Variants in NME7 observed in about 807,000 individuals in gnomAD.
NME7 encodes the protein NME/NM23 family member 7, also known as nucleoside diphosphate kinase 7.
Under a neutral mutation model 49.1 loss-of-function variants are expected in NME7, and 41 were observed. That is an observed-to-expected ratio of 0.83 (90% CI 0.65 to 1.08). NME7 has a LOEUF of 1.08. NME7 is among the 50% of genes least tolerant of loss of function. NME7 has a pLI of 0.00. For synonymous variants in NME7, 139 were observed against 150.6 expected (o/e 0.92, Z 0.56); for missense variants, 423 against 463.4 (o/e 0.91, Z 0.80).
chr1:169,254,304 G>C (rs1000972065), intron 7 of NME7, among the ~76,000 whole-genome samples: 4 of 152,072 alleles, frequency 2.6e-5, no homozygotes, highest in African/African-American at 7.2e-5. Context: ...GAGTGTATGT[G>C]TCGAGGAATT....
At chr1:169,176,657 G>A (rs1470546881) in intron 10 of NME7, among the ~76,000 whole-genome samples, 1 of 152,044 alleles carries the variant, frequency 6.6e-6, no homozygotes, top group Non-Finnish European at 1.5e-5. Context: ...GCCAACAATA[G>A]GAACTGGCTG....
intron 1 of NME7, among the ~76,000 whole-genome samples, chr1:169,359,068 G>T (rs1653559890): frequency 6.6e-6 from 1 of 152,094 alleles, no homozygotes; most frequent in South Asian, 2.1e-4. Flanking sequence ...ATTTGCAGGG[G>T]ATTGGTTCCA....
At chr1:169,292,453 A>T (rs1235271446) in intron 6 of NME7, among the ~76,000 whole-genome samples, 1 of 152,208 alleles carries the variant, frequency 6.6e-6, no homozygotes, top group African/African-American at 2.4e-5. Context: ...TATGCATAAT[A>T]TAAAGAACTC....
chr1:169,321,420 T>C (rs991933753), intron 3 of NME7, among the ~76,000 whole-genome samples: 2 of 152,212 alleles, frequency 1.3e-5, no homozygotes, highest in African/African-American at 4.8e-5. Context: ...GTAAAGTGCA[T>C]ATCATAGTGT....
At chr1:169,333,602 C>A (rs112632039) in intron 1 of NME7, among the ~76,000 whole-genome samples, 46 of 151,814 alleles carry the variant, frequency 3.0e-4, no homozygotes, top group African/African-American at 1.1e-3. Context: ...ATCTCATGAA[C>A]CCCATAAATA....
At chr1:169,210,989 CT>C (rs972480348) in intron 10 of NME7, among the ~76,000 whole-genome samples, 2 of 118,834 alleles carry the variant, frequency 1.7e-5, no homozygotes, top group Admixed American at 8.3e-5. Context: ...AGATCATAAG[CT>C]CTTTTTTTTT....
chr1:169,191,245 T>C (rs1316388538), intron 10 of NME7, among the ~76,000 whole-genome samples: 1 of 152,192 alleles, frequency 6.6e-6, no homozygotes, highest in Non-Finnish European at 1.5e-5. Flanking sequence ...TATTTGGGGA[T>C]ATAAAGCGAA....
intron 10 of NME7, among the ~76,000 whole-genome samples, chr1:169,173,038 CAG>C (rs1284130551): frequency 6.6e-6 from 1 of 152,146 alleles, no homozygotes; most frequent in East Asian, 1.9e-4. Flanking sequence ...TACTTCTATT[CAG>C]AGTGTCAGGA....
At chr1:169,156,365 A>G (rs192236495) in intron 11 of NME7, among the ~76,000 whole-genome samples, 1 of 150,988 alleles carries the variant, frequency 6.6e-6, no homozygotes, top group Non-Finnish European at 1.5e-5. Context: ...ACTGTTTGAG[A>G]ACCATTTCCC....
At chr1:169,251,913 G>C (rs56698361) in intron 7 of NME7, among the ~76,000 whole-genome samples, 11 of 149,688 alleles carry the variant, frequency 7.3e-5, no homozygotes, top group Non-Finnish European at 1.2e-4. Context: ...TGGCTGCATA[G>C]TATTCCATGG....
chr1:169,146,583 G>A (rs12086104), intron 11 of NME7, among the ~76,000 whole-genome samples: 17,127 of 152,084 alleles, frequency 0.11, 2,201 homozygotes, highest in East Asian at 0.73. Flanking sequence ...TATCATCTTT[G>A]AATATATTTC....
intron 11 of NME7, among the ~76,000 whole-genome samples, chr1:169,154,158 T>C (rs1321231508): frequency 6.6e-6 from 1 of 151,790 alleles, no homozygotes; most frequent in Admixed American, 6.6e-5. Context: ...AGACCACAGG[T>C]ACATGCCACT....
At chr1:169,332,049 AC>A (rs1223545920) in intron 1 of NME7, among the ~76,000 whole-genome samples, 2 of 152,154 alleles carry the variant, frequency 1.3e-5, no homozygotes, top group African/African-American at 4.8e-5. Flanking sequence ...TGAAAAAATC[AC>A]ATTAACTGAC....
intron 11 of NME7, among the ~76,000 whole-genome samples, chr1:169,134,199 T>TATCA (rs1311709580): frequency 1.3e-5 from 2 of 152,238 alleles, no homozygotes; most frequent in Non-Finnish European, 2.9e-5. Flanking sequence ...GTGAGAGATC[T>TATCA]ATCAGTGAAC....
At chr1:169,335,258 CAT>C (rs567113296) in intron 1 of NME7, among the ~76,000 whole-genome samples, 301 of 152,262 alleles carry the variant, frequency 2.0e-3, no homozygotes, top group Non-Finnish European at 3.5e-3. Flanking sequence ...CACATGCACA[CAT>C]ATGTTTTCTG....
In NME7 at chr1:169,132,581, C is replaced by A; in HGVS notation, c.*204G>T. 2.1e-6 allele frequency: 1 copy of A among 475,214 alleles called. No homozygotes were observed. The allele number at this position is 475,214 out of a possible 1,614,324, so 29.4% of individuals were successfully genotyped here. ...GAACTTTATAAAAAGCAATGCAGTA[C>A]CCCATAGACTGGTGTTAAATGTTGT... On this transcript the variant is annotated 3_prime_UTR_variant, in exon 12 of 12. Coordinates refer to ENST00000367811, the MANE Select transcript of NME7 (RefSeq NM_013330.5).
chr1:169,294,547 G>A (rs756465068), intron 6 of NME7, among the ~76,000 whole-genome samples: 25 of 152,036 alleles, frequency 1.6e-4, no homozygotes, highest in Non-Finnish European at 2.8e-4. Flanking sequence ...ATAAGTTTGG[G>A]GCTGTGATGT....
At chr1:169,214,774 C>T (rs1210804637) in intron 10 of NME7, among the ~76,000 whole-genome samples, 3 of 152,256 alleles carry the variant, frequency 2.0e-5, no homozygotes, top group Non-Finnish European at 4.4e-5. Context: ...CAGCTGGCCA[C>T]TTTGGCACCG....
intron 7 of NME7, among the ~76,000 whole-genome samples, chr1:169,246,145 T>C (rs929420872): frequency 6.6e-6 from 1 of 151,156 alleles, no homozygotes; most frequent in Non-Finnish European, 1.5e-5. Context: ...ACAAAAAATA[T>C]GAAAAAAAAA....
Sources: allele counts gnomAD v4.1 joint callset (sites outside exome capture counted in the v4.1 genomes callset), GRCh38; gene constraint gnomAD v4.1.1; transcripts MANE v1.5; gene names NCBI Gene and HGNC (gene_info 2026-07-23, HGNC 2026-07-21).